ADGRL2: variants seen among roughly 807,000 people sequenced by gnomAD.
ADGRL2 encodes calcium-independent alpha-latrotoxin receptor 2.
A neutral mutation model predicts 157.4 loss-of-function variants in ADGRL2; 44 were observed. The observed-to-expected ratio is 0.28, with a 90% CI of 0.22 to 0.36. The LOEUF is 0.36. Ranked by LOEUF, ADGRL2 falls within the 10% of genes least tolerant of loss-of-function variation. The pLI, the probability that ADGRL2 is intolerant of heterozygous loss-of-function variation, is 1.00. For synonymous variants in ADGRL2, 585 were observed against 624.7 expected (o/e 0.94, Z 0.95); for missense variants, 1,510 against 1,768.9 (o/e 0.85, Z 2.63).
At chr1:81,618,874 G>C (rs1427909553) in intron 3 of ADGRL2, among the ~76,000 whole-genome samples, 1 of 149,368 alleles carries the variant, frequency 6.7e-6, no homozygotes, top group Non-Finnish European at 1.5e-5. Context: ...TTTTTTCACT[G>C]TTACTGTAAC....
intron 3 of ADGRL2, among the ~76,000 whole-genome samples, chr1:81,925,098 A>G (rs2148666263): frequency 6.6e-6 from 1 of 152,222 alleles, no homozygotes; most frequent in Admixed American, 6.5e-5. Context: ...TGTGGGAAAG[A>G]AGGACATAAG....
At chr1:81,896,583 A>C (rs2094393824) in intron 2 of ADGRL2, among the ~76,000 whole-genome samples, 5 of 152,146 alleles carry the variant, frequency 3.3e-5, no homozygotes, top group Admixed American at 3.3e-4. Flanking sequence ...ATATATATAA[A>C]AGTTAAAACT....
At chr1:81,712,794 G>A (rs1240436558) in intron 1 of ADGRL2, among the ~76,000 whole-genome samples, 2 of 122,638 alleles carry the variant, frequency 1.6e-5, no homozygotes, top group Non-Finnish European at 3.2e-5. Context: ...ACAGAGTTTA[G>A]CTCTGCTGCC....
intron 1 of ADGRL2, among the ~76,000 whole-genome samples, chr1:81,370,592 C>T (rs990042430): frequency 1.2e-4 from 18 of 152,136 alleles, no homozygotes; most frequent in Admixed American, 1.0e-3. Flanking sequence ...TTGTGCATTT[C>T]ATTCTCAGAA....
chr1:81,970,189 G>A, intron 15 of ADGRL2, 125 bp from the exon 16 acceptor site: 1 of 718,132 alleles, frequency 1.4e-6, no homozygotes, highest in Non-Finnish European at 2.4e-6. Flanking sequence ...GGAAGCATTA[G>A]TTTACTCTGA....
chr1:81,969,479 C>G (rs888963744), intron 15 of ADGRL2, 92 bp downstream of exon 15: 13 of 793,350 alleles, frequency 1.6e-5, no homozygotes, highest in Non-Finnish European at 2.7e-5. Flanking sequence ...AATGTTTGAC[C>G]TTGTAACTTG....
intron 2 of ADGRL2, among the ~76,000 whole-genome samples, chr1:81,491,836 C>T (rs532567367): frequency 5.9e-5 from 9 of 152,024 alleles, no homozygotes; most frequent in Non-Finnish European, 1.0e-4. Context: ...ACTGTGCTCG[C>T]GAAATGTTGC....
chr1:81,941,460 A>T (rs1452990104), intron 4 of ADGRL2, among the ~76,000 whole-genome samples: 3 of 151,806 alleles, frequency 2.0e-5, no homozygotes, highest in African/African-American at 7.2e-5. Flanking sequence ...ATGCATAATT[A>T]TATATTTCTT....
intron 3 of ADGRL2, among the ~76,000 whole-genome samples, chr1:81,609,466 A>T (rs761124662): frequency 1.3e-5 from 2 of 152,192 alleles, no homozygotes; most frequent in Non-Finnish European, 2.9e-5. Flanking sequence ...GATGGAAGAA[A>T]GTGAGCTCCT....
intron 2 of ADGRL2, among the ~76,000 whole-genome samples, chr1:81,516,571 A>C (rs2079182923): frequency 6.6e-6 from 1 of 152,246 alleles, no homozygotes; most frequent in Non-Finnish European, 1.5e-5. Context: ...ATCTGACAAA[A>C]TAATATTTAA....
chr1:81,444,044 T>C (rs2077556073), intron 1 of ADGRL2, among the ~76,000 whole-genome samples: 1 of 152,230 alleles, frequency 6.6e-6, no homozygotes, highest in Non-Finnish European at 1.5e-5. Context: ...GGAGACCCAC[T>C]TGTAGCCAGA....
chr1:81,381,383 T>C (rs1356959719), intron 1 of ADGRL2, among the ~76,000 whole-genome samples: 3 of 152,050 alleles, frequency 2.0e-5, no homozygotes, highest in African/African-American at 7.2e-5. Flanking sequence ...TGGCTGTTGG[T>C]TTAAACTAGA....
chr1:81,883,018 T>G (rs1421452859), intron 2 of ADGRL2, among the ~76,000 whole-genome samples: 2 of 152,170 alleles, frequency 1.3e-5, no homozygotes, highest in African/African-American at 4.8e-5. Flanking sequence ...TGTCTTTTCT[T>G]GACAGCTCAA....
chr1:81,557,493 G>GA, intron 2 of ADGRL2: 1 of 77,110 alleles, frequency 1.3e-5, no homozygotes, highest in Middle Eastern at 6.9e-3. Context: ...AAGAAAGAAA[G>GA]AAAGAAAGAA....
intron 2 of ADGRL2, among the ~76,000 whole-genome samples, chr1:81,523,185 G>A (rs780602027): frequency 6.6e-6 from 1 of 152,138 alleles, no homozygotes; most frequent in Non-Finnish European, 1.5e-5. Context: ...TCATAAAGAT[G>A]TCAATTATCC....
intron 1 of ADGRL2, among the ~76,000 whole-genome samples, chr1:81,817,929 T>G (rs1397560007): frequency 6.6e-6 from 1 of 151,938 alleles, no homozygotes; most frequent in Non-Finnish European, 1.5e-5. Flanking sequence ...CCATAGAGGA[T>G]GAAGTGGTAG....
intron 1 of ADGRL2, among the ~76,000 whole-genome samples, chr1:81,733,950 T>C (rs1358530419): frequency 6.6e-6 from 1 of 152,050 alleles, no homozygotes; most frequent in African/African-American, 2.4e-5. Flanking sequence ...AGCTTACCTA[T>C]ATAACAAAGC....
At chr1:81,355,880 A>G (rs1416527933) in intron 1 of ADGRL2, among the ~76,000 whole-genome samples, 1 of 152,178 alleles carries the variant, frequency 6.6e-6, no homozygotes, top group African/African-American at 2.4e-5. Context: ...CTCTGCATTT[A>G]TACAGATAAC....
chr1:81,812,705 T>C (rs1029690946), intron 1 of ADGRL2, among the ~76,000 whole-genome samples: 1 of 151,804 alleles, frequency 6.6e-6, no homozygotes, highest in Non-Finnish European at 1.5e-5. Flanking sequence ...TTCCTCTACA[T>C]TTAATTAATA....
Sources: allele counts gnomAD v4.1 joint callset (sites outside exome capture counted in the v4.1 genomes callset), GRCh38; gene constraint gnomAD v4.1.1; transcripts MANE v1.5; gene names NCBI Gene and HGNC (gene_info 2026-07-23, HGNC 2026-07-21).